TRAPPC9: variants seen among roughly 807,000 people sequenced by gnomAD.
TRAPPC9 encodes trafficking protein particle complex subunit 9.
In TRAPPC9, 83 loss-of-function variants were observed where a neutral mutation model predicts 124.0. That is an observed-to-expected ratio of 0.67 (90% CI 0.56 to 0.80). The LOEUF is 0.80. TRAPPC9 is among the 30% of genes least tolerant of loss of function. The probability of loss-of-function intolerance (pLI) is 0.00; values close to 1 mark genes in which losing one functional copy is unlikely to be tolerated. For synonymous variants in TRAPPC9, 638 were observed against 617.5 expected, an observed-to-expected ratio of 1.03 and a Z score of -0.49; for missense variants, 1,302 against 1,508.3, an observed-to-expected ratio of 0.86 and a Z score of 2.27.
intron 21 of TRAPPC9, among the ~76,000 whole-genome samples, chr8:139,849,478 T>C (rs1288154302): frequency 6.6e-6 from 1 of 152,252 alleles, no homozygotes; most frequent in Non-Finnish European, 1.5e-5. Flanking sequence ...GCATTTTCAT[T>C]ATGTACCTTA....
intron 17 of TRAPPC9, among the ~76,000 whole-genome samples, chr8:140,068,047 G>T (rs1268035672): frequency 6.6e-6 from 1 of 152,096 alleles, no homozygotes; most frequent in African/African-American, 2.4e-5. Context: ...TCTGAACTTT[G>T]CACTTACCTA....
At chr8:140,443,158 A>G (rs1441546933) in intron 2 of TRAPPC9, among the ~76,000 whole-genome samples, 12 of 129,920 alleles carry the variant, frequency 9.2e-5, no homozygotes, top group East Asian at 2.7e-4. Flanking sequence ...AAAAAAAGCC[A>G]GGCGCGGTGG....
At chr8:140,303,941 G>A (rs1436209203) in intron 10 of TRAPPC9, among the ~76,000 whole-genome samples, 6 of 152,092 alleles carry the variant, frequency 3.9e-5, no homozygotes, top group Non-Finnish European at 7.3e-5. Context: ...TATGTTTAAC[G>A]ATTCTATATA....
chr8:139,892,134 G>A lies in TRAPPC9; in HGVS notation c.2965-6165C>T, dbSNP rs115989589. Among the ~76,000 whole-genome samples, 1,276 of 152,328 alleles carry A rather than the reference G, an allele frequency of 8.4e-3. 16 individuals carry two copies. The highest frequency in any genetic ancestry group is 0.029 in the African/African-American group (1,221 of 41,564). On this transcript the variant is annotated intron_variant, in intron 20 of 22. Transcript: ENST00000438773. ...CATGCGCCGCAGCACCCCGAGTCCC[G>A]CACAAAGGCAAGGCTGCTAAGAAGC...
At chr8:139,937,498 G>C (rs1172367522) in intron 19 of TRAPPC9, among the ~76,000 whole-genome samples, 1 of 152,182 alleles carries the variant, frequency 6.6e-6, no homozygotes, top group Non-Finnish European at 1.5e-5. Flanking sequence ...GACAGCGCTG[G>C]GGGCAGCGGC....
At chr8:140,203,723 G>A (rs2062849436) in intron 17 of TRAPPC9, among the ~76,000 whole-genome samples, 1 of 152,252 alleles carries the variant, frequency 6.6e-6, no homozygotes, top group Non-Finnish European at 1.5e-5. Flanking sequence ...CTGGAAGTGA[G>A]AAGGACTCAG....
rs184310639 is a variant in TRAPPC9, at chr8:139,800,089, C to T, written c.3056-67887G>A. ...AACACCTACGCTTGCTAGCAGCTGG[C>T]CAGGTGCCAAAAGACGGAGAGGGCA... On this transcript the variant is annotated intron_variant, in intron 21 of 22. Transcript: ENST00000438773. Among the ~76,000 whole-genome samples, 180 of 152,348 alleles carry T rather than the reference C, an allele frequency of 1.2e-3. 2 individuals are homozygous for T. Among genetic ancestry groups the T allele is most frequent in the African/African-American group, 4.1e-3 (171 of 41,580 alleles).
At chr8:139,732,807 G>T (rs1208744052) in intron 21 of TRAPPC9, among the ~76,000 whole-genome samples, 1 of 152,190 alleles carries the variant, frequency 6.6e-6, no homozygotes, top group African/African-American at 2.4e-5. Flanking sequence ...CACAGAACAG[G>T]TGCTCAGGGA....
chr8:139,820,026 AAAAAAGAG>A lies in TRAPPC9; in HGVS notation c.3055+65845_3055+65852del, dbSNP rs1388680867. On this transcript the variant is annotated intron_variant, in intron 21 of 22. Transcript: ENST00000438773. ...CTGTCTCAAAAAAAAAAAAAAAAAA[AAAAAAGAG>A]AAAACTACCGTCCAAAACCATTACA... is the stretch of plus-strand genomic sequence containing the variant. 1.5e-4 allele frequency among the ~76,000 whole-genome samples: 23 copies of A among 150,978 alleles called. No homozygotes were observed. The South Asian group carries it at 4.8e-3, about 32-fold the overall frequency.
At chr8:140,373,810 T>C (rs994951911) in intron 7 of TRAPPC9, among the ~76,000 whole-genome samples, 1 of 152,244 alleles carries the variant, frequency 6.6e-6, no homozygotes, top group African/African-American at 2.4e-5. Context: ...CACTGGCCAC[T>C]GGTATATCTT....
At chr8:140,124,701 C>T (rs372550215) in intron 17 of TRAPPC9, among the ~76,000 whole-genome samples, 2 of 152,196 alleles carry the variant, frequency 1.3e-5, no homozygotes, top group Non-Finnish European at 2.9e-5. Context: ...GGAAGACCCT[C>T]GCGGGGGAGG....
intron 21 of TRAPPC9, among the ~76,000 whole-genome samples, chr8:139,815,085 G>C (rs1044002934): frequency 3.9e-5 from 6 of 152,156 alleles, no homozygotes; most frequent in Non-Finnish European, 8.8e-5. Flanking sequence ...TCAATCCCAG[G>C]GTTGCCTGTA....
chr8:140,272,131 G>T (rs756839268), intron 15 of TRAPPC9, among the ~76,000 whole-genome samples: 5 of 55,318 alleles, frequency 9.0e-5, no homozygotes, highest in South Asian at 1.4e-3. Context: ...TGATGGTGGC[G>T]ATGGTGATGG....
chr8:139,781,462 G>T (rs1204415701), intron 21 of TRAPPC9, among the ~76,000 whole-genome samples: 1 of 152,210 alleles, frequency 6.6e-6, no homozygotes, highest in African/African-American at 2.4e-5. Flanking sequence ...AACAATAGGG[G>T]TTAGGGTACA....
At chr8:140,037,761 C>T (rs1357528399) in intron 17 of TRAPPC9, among the ~76,000 whole-genome samples, 1 of 149,874 alleles carries the variant, frequency 6.7e-6, no homozygotes, top group African/African-American at 2.5e-5. Flanking sequence ...CCCACACACA[C>T]ACCCAAAACA....
At chr8:140,336,818 C>G (rs1302184107) in intron 9 of TRAPPC9, among the ~76,000 whole-genome samples, 3 of 152,286 alleles carry the variant, frequency 2.0e-5, no homozygotes, top group Middle Eastern at 6.8e-3. Context: ...AAAGTCTAAC[C>G]AGGGCCGTGA....
chr8:140,184,188 T>C (rs1489259774), intron 17 of TRAPPC9, among the ~76,000 whole-genome samples: 1 of 152,098 alleles, frequency 6.6e-6, no homozygotes, highest in African/African-American at 2.4e-5. Context: ...CCCAGTGACA[T>C]CTCAGATAAT....
chr8:140,448,026 T>C lies in TRAPPC9; in HGVS notation c.584+2764A>G, dbSNP rs191540467. 6.0e-5 allele frequency among the ~76,000 whole-genome samples: 9 copies of C among 150,962 alleles called. No homozygotes were observed. In the East Asian group the frequency reaches 1.6e-3, roughly 26 times the overall value. ...TGAGTGTGGTGGCGCACGCCTGTAATCCCAGCTACTCAGGAGGCTGAGGCA... is the reference window on the plus strand; with the variant it reads ...TGAGTGTGGTGGCGCACGCCTGTAACCCCAGCTACTCAGGAGGCTGAGGCA... On this transcript the variant is annotated intron_variant, in intron 2 of 22. Coordinates refer to ENST00000438773, the MANE Select transcript of TRAPPC9 (RefSeq NM_001160372.4).
At position 140,319,368 on chromosome 8, in the gene TRAPPC9, G is replaced by A. The variant is rs545489305; in HGVS notation, c.1496-7994C>T. Among the ~76,000 whole-genome samples, 370 of 151,848 alleles carry A rather than the reference G, an allele frequency of 2.4e-3. 2 individuals are homozygous for A. The highest frequency in any genetic ancestry group is 8.6e-3 in the African/African-American group (358 of 41,420). On this transcript the variant is annotated intron_variant, in intron 9 of 22. Transcript: ENST00000438773. Reference sequence around the variant, plus strand: ...TTTTTTTTGTATTTTTAGTAGAGACGGGGTTTCACCGTGTTAGCCAGGATG... The same window carrying A: ...TTTTTTTTGTATTTTTAGTAGAGACAGGGTTTCACCGTGTTAGCCAGGATG...
Sources: allele counts gnomAD v4.1 joint callset (sites outside exome capture counted in the v4.1 genomes callset), GRCh38; gene constraint gnomAD v4.1.1; transcripts MANE v1.5; gene names NCBI Gene and HGNC (gene_info 2026-07-23, HGNC 2026-07-21).